The following ZC3H14 variants were observed in gnomAD, a reference collection of about 807,000 sequenced individuals.
ZC3H14 encodes zinc finger CCCH-type containing 14.
A neutral mutation model predicts 92.4 loss-of-function variants in ZC3H14; 31 were observed. The ratio of observed to expected loss-of-function variants is 0.34; its 90% CI spans 0.25 to 0.45. ZC3H14 has a LOEUF of 0.45. Among genes scored for constraint, ZC3H14 ranks in the 20% least tolerant of loss-of-function variants. The probability of loss-of-function intolerance (pLI) is 1.00; values close to 1 mark genes in which losing one functional copy is unlikely to be tolerated. For synonymous variants in ZC3H14, 321 were observed against 300.9 expected (o/e 1.07, Z -0.69); for missense variants, 781 against 897.3 (o/e 0.87, Z 1.66).
intron 1 of ZC3H14, 76 bp downstream of exon 1, chr14:88,563,245 G>A: frequency 6.4e-7 from 1 of 1,555,384 alleles, no homozygotes; most frequent in Non-Finnish European, 8.7e-7. Flanking sequence ...CGGGGACTGT[G>A]GGCCCGGGTG....
chr14:88,621,334 T>C lies in ZC3H14; in HGVS notation c.*9583T>C, dbSNP rs1302115767. 6.8e-6 allele frequency: 11 copies of C among 1,609,098 alleles called. No individual in the cohort carries two copies. The highest frequency in any genetic ancestry group is 9.4e-6 in the Non-Finnish European group (11 of 1,176,048). On this transcript the variant is annotated 3_prime_UTR_variant, in exon 17 of 17. Coordinates refer to ENST00000251038, the MANE Select transcript of ZC3H14 (RefSeq NM_024824.5). ...ACAAGCAGGACCAATACAGTGAATGTAATACAACAGCTGCTTTTCTTCTTC... is the reference window on the plus strand; with the variant it reads ...ACAAGCAGGACCAATACAGTGAATGCAATACAACAGCTGCTTTTCTTCTTC...
intron 9 of ZC3H14, 136 bp downstream of exon 9, chr14:88,578,276 C>T: frequency 7.6e-7 from 1 of 1,308,716 alleles, no homozygotes; most frequent in Non-Finnish European, 1.1e-6. Context: ...GAGAAGAATA[C>T]CATGAGGAAG....
chr14:88,611,892 G>A lies in ZC3H14; in HGVS notation c.*141G>A. The A allele has an allele frequency of 8.6e-7, 1 of 1,156,938 alleles. No homozygotes were observed. Among genetic ancestry groups the A allele is most frequent in the Non-Finnish European group, 1.2e-6 (1 of 805,752 alleles). 71.7% of individuals were successfully genotyped at this position (1,156,938 alleles called of 1,614,324 possible). A position where few individuals can be genotyped will look rare whatever the true frequency, so the allele number is the denominator to read the frequency against. The stretch of plus-strand genomic sequence containing the variant: ...ATGAAGTTTTATTGCCTATCTATCT[G>A]AAGTGTCTAATTTTTCAAGTTTGTA... On this transcript the variant is annotated 3_prime_UTR_variant, in exon 17 of 17. Transcript: ENST00000251038.
chr14:88,592,035 T>A (rs1239734565), intron 9 of ZC3H14: 21 of 152,262 alleles, frequency 1.4e-4, no homozygotes, highest in Admixed American at 1.3e-3. Context: ...TCTCTGCTGA[T>A]GAATATTTAC....
chr14:88,599,272 T>C lies in ZC3H14; in HGVS notation c.1354+2464T>C, dbSNP rs72695875. ...GGATTGCTTCATTATTGCCTTAGAA[T>C]TCAGCTTTTACAGATCCCCTGAGTT... On this transcript the variant is annotated intron_variant, in intron 10 of 16. Coordinates refer to ENST00000251038, the MANE Select transcript of ZC3H14 (RefSeq NM_024824.5). Among the ~76,000 whole-genome samples the C allele has an allele frequency of 2.8e-4, 42 of 152,336 alleles. 1 individual carries two copies. In the Middle Eastern group the frequency reaches 0.014, roughly 49 times the overall value.
chr14:88,593,832 A>G (rs2083454234), intron 9 of ZC3H14, among the ~76,000 whole-genome samples: 1 of 152,230 alleles, frequency 6.6e-6, no homozygotes, highest in South Asian at 2.1e-4. Context: ...AAGCAACCAA[A>G]GGAAAAAAGA....
In ZC3H14 at chr14:88,625,381, A is replaced by G; in HGVS notation, c.*13630A>G. The G allele has an allele frequency of 2.5e-6, 1 of 402,754 alleles. No homozygotes were observed. The highest frequency in any genetic ancestry group is 4.4e-6 in the Non-Finnish European group (1 of 226,494). 24.9% of individuals were successfully genotyped at this position (402,754 alleles called of 1,614,324 possible). ...AGACAATTCTTCCCTTCCAATTCTA[A>G]CATACTATAATTCTAGGGTTTATTT... On this transcript the variant is annotated 3_prime_UTR_variant, in exon 17 of 17. Transcript: ENST00000251038.
At chr14:88,563,227 A>G in intron 1 of ZC3H14, 58 bp downstream of exon 1, 1 of 1,573,618 alleles carries the variant, frequency 6.4e-7, no homozygotes, top group Non-Finnish European at 8.6e-7. Flanking sequence ...GGCGGTTGTC[A>G]GGAGTAACGG....
Position 88,572,713 on chromosome 14 carries a change from G to A in ZC3H14, c.567G>A (p.Val189=), listed in dbSNP as rs199892462. The A allele has an allele frequency of 2.5e-6, 4 of 1,614,100 alleles. No individual in the cohort carries two copies. In the African/African-American group the frequency reaches 5.3e-5, roughly 22 times the overall value. ...DDLIDEDLNF[V]QENPLSQKKP... is the part of the protein sequence containing the mutation. Reference sequence around the variant, plus strand: ...TCATTGACGAAGACCTCAACTTTGTGCAGGAGAATCCCTTATCTCAGAAAA... The same window carrying A: ...TCATTGACGAAGACCTCAACTTTGTACAGGAGAATCCCTTATCTCAGAAAA... Residue 189 remains valine (V), a synonymous_variant, in exon 6 of 17, where the codon GTG becomes GTA. Coordinates refer to ENST00000251038, the MANE Select transcript of ZC3H14 (RefSeq NM_024824.5).
At chr14:88,603,792 AT>A (rs1303808650) in intron 12 of ZC3H14, among the ~76,000 whole-genome samples, 1 of 152,234 alleles carries the variant, frequency 6.6e-6, no homozygotes, top group Non-Finnish European at 1.5e-5. Flanking sequence ...ACAGTAATGG[AT>A]TTTGAAACAT....
Position 88,572,859 on chromosome 14 carries a change from A to G in ZC3H14, c.713A>G (p.Gln238Arg), listed in dbSNP as rs2080618860. 6.2e-7 allele frequency: 1 copy of G among 1,614,236 alleles called. No individual in the cohort carries two copies. Among genetic ancestry groups the G allele is most frequent in the East Asian group, 2.2e-5 (1 of 44,878 alleles). Residue 238 changes from glutamine (Q) to arginine (R), a missense_variant, in exon 6 of 17, where the codon CAG becomes CGG. Around this residue, in one of 3 missense-constraint regions of ZC3H14, gnomAD observed 454 missense variants for 438.5 expected, o/e 1.04. Transcript: ENST00000251038. ...AACAGGTTGCAATTTCAACAGCAGC[A>G]GAATAGTATTCATGCTGCCAAGCAG... is the stretch of plus-strand genomic sequence containing the variant. ...HLNRLQFQQQ[Q>R]NSIHAAKQLD...
chr14:88,592,045 C>T (rs1170054628), intron 9 of ZC3H14: 2 of 152,226 alleles, frequency 1.3e-5, no homozygotes, highest in Non-Finnish European at 2.9e-5. Context: ...TGAATATTTA[C>T]ACTGGAGTCT....
intron 9 of ZC3H14, among the ~76,000 whole-genome samples, chr14:88,584,328 A>G (rs910280727): frequency 1.3e-5 from 2 of 152,232 alleles, no homozygotes; most frequent in African/African-American, 4.8e-5. Context: ...GATAAACTAT[A>G]TAGCCTAGAA....
At chr14:88,610,004 C>T (rs1459368889) in intron 15 of ZC3H14, among the ~76,000 whole-genome samples, 1 of 152,122 alleles carries the variant, frequency 6.6e-6, no homozygotes, top group Non-Finnish European at 1.5e-5. Flanking sequence ...GTTAGTATCC[C>T]AAGCACTCAG....
At position 88,621,152 on chromosome 14, in the gene ZC3H14, T is replaced by C; in HGVS notation, c.*9401T>C. 6.2e-7 allele frequency: 1 copy of C among 1,613,902 alleles called. No individual in the cohort carries two copies. Among genetic ancestry groups the C allele is most frequent in the Non-Finnish European group, 8.5e-7 (1 of 1,179,852 alleles). On this transcript the variant is annotated 3_prime_UTR_variant, in exon 17 of 17. Transcript: ENST00000251038. The stretch of plus-strand genomic sequence containing the variant: ...CCCAAAGTCTCACTGTCCCATCTTC[T>C]GCAGCAGAAAGGAAAAAATCCCTGG...
At chr14:88,581,121 A>G (rs921451842) in intron 9 of ZC3H14, among the ~76,000 whole-genome samples, 1 of 152,242 alleles carries the variant, frequency 6.6e-6, no homozygotes, top group South Asian at 2.1e-4. Context: ...TACATTGGAA[A>G]TGTTTCGGAA....
chr14:88,601,974 C>G lies in ZC3H14; in HGVS notation c.1405C>G (p.Leu469Val), dbSNP rs974142627. ...CCATGCAGACACAAGATCATTTATT[C>G]TGAAGAAGCCAAAGCTGTCTGAGGA... ...MVHADTRSFI[L>V]KKPKLSEEVV... The change falls in exon 11 of 17, where the codon CTG (leucine) becomes GTG (valine). Residue 469 changes from leucine (L) to valine (V), a missense_variant. By Grantham distance (32) the Leu-to-Val change is conservative. This residue lies in a region of ZC3H14 where 454 missense variants were observed against 438.5 expected (regional missense o/e 1.04). Coordinates refer to ENST00000251038, the MANE Select transcript of ZC3H14 (RefSeq NM_024824.5). 6.2e-7 allele frequency: 1 copy of G among 1,614,116 alleles called. No homozygotes were observed. Among genetic ancestry groups the G allele is most frequent in the Non-Finnish European group, 8.5e-7 (1 of 1,179,994 alleles).
intron 9 of ZC3H14, among the ~76,000 whole-genome samples, chr14:88,578,426 G>A (rs2081439791): frequency 6.6e-6 from 1 of 151,890 alleles, no homozygotes; most frequent in African/African-American, 2.4e-5. Flanking sequence ...GTGTACAAGT[G>A]TGTGCCACTG....
At chr14:88,583,902 G>A (rs756920144) in intron 9 of ZC3H14, among the ~76,000 whole-genome samples, 15 of 152,180 alleles carry the variant, frequency 9.9e-5, no homozygotes, top group Non-Finnish European at 2.1e-4. Context: ...AAAGGGTGTT[G>A]AAATTGCCCA....
Sources: gnomAD v4.1 joint callset for allele counts (sites outside exome capture counted in the v4.1 genomes callset) on GRCh38, gnomAD v4.1.1 for gene constraint, gnomAD v4.1.1 regional missense constraint, MANE v1.5 for transcripts, NCBI Gene and HGNC (gene_info 2026-07-23, HGNC 2026-07-21) for gene names.